CEP83: variants seen among roughly 807,000 people sequenced by gnomAD.
CEP83 encodes centrosomal protein 83.
CEP83 carries 70 observed loss-of-function variants against 101.9 expected under a neutral mutation model. That is an observed-to-expected ratio of 0.69 (90% CI 0.57 to 0.84). CEP83 has a LOEUF of 0.84. CEP83 is among the 40% of genes least tolerant of loss of function. CEP83 has a pLI of 0.00. For missense variants in CEP83, 715 were observed against 787.2 expected (o/e 0.91, Z 1.10); for synonymous variants, 264 against 267.9 (o/e 0.99, Z 0.14).
intron 14 of CEP83, among the ~76,000 whole-genome samples, chr12:94,328,799 A>G (rs370163729): frequency 6.6e-6 from 1 of 152,346 alleles, no homozygotes; most frequent in East Asian, 1.9e-4. Context: ...CTAACAGCGC[A>G]GTGGAAAGAG....
intron 2 of CEP83, among the ~76,000 whole-genome samples, chr12:94,422,439 T>C (rs919222170): frequency 2.0e-5 from 3 of 152,298 alleles, no homozygotes; most frequent in South Asian, 4.1e-4. Context: ...CACTAGGCAA[T>C]AGAAATTTTT....
intron 11 of CEP83, among the ~76,000 whole-genome samples, chr12:94,354,760 C>T (rs533868334): frequency 7.3e-4 from 111 of 151,724 alleles, no homozygotes; most frequent in Non-Finnish European, 1.3e-3. Flanking sequence ...ACCTGTAATC[C>T]CAACACTTCA....
chr12:94,458,426 C>T (rs753832632), intron 1 of CEP83, among the ~76,000 whole-genome samples: 9 of 152,086 alleles, frequency 5.9e-5, no homozygotes, highest in Non-Finnish European at 1.3e-4. Flanking sequence ...TCAGGAGAGT[C>T]CTGTGTGACA....
rs192640103 is a variant in CEP83 at position 94,440,191 on chromosome 12, T to C, written c.-154-4864A>G. Reference sequence around the variant, plus strand: ...CTACTGGAAGTCCTAGCCAGAACAATCAGACAAGAGAAAGAAATCAAGAGC... The same window carrying C: ...CTACTGGAAGTCCTAGCCAGAACAACCAGACAAGAGAAAGAAATCAAGAGC... On this transcript the variant is annotated intron_variant, in intron 1 of 16. Coordinates refer to ENST00000397809, the MANE Select transcript of CEP83 (RefSeq NM_016122.3). Among the ~76,000 whole-genome samples the C allele has an allele frequency of 1.3e-3, 199 of 152,088 alleles. 1 individual carries two copies. Among genetic ancestry groups the C allele is most frequent in the African/African-American group, 4.6e-3 (191 of 41,496 alleles).
chr12:94,416,551 TACAC>T (rs1555256390), intron 2 of CEP83, among the ~76,000 whole-genome samples: 1 of 145,518 alleles, frequency 6.9e-6, no homozygotes, highest in Non-Finnish European at 1.5e-5. Flanking sequence ...CCAAATACCA[TACAC>T]ACACACACAC....
At chr12:94,331,318 A>AAAAAAAAAAAAAT (rs1267699635) in intron 14 of CEP83, among the ~76,000 whole-genome samples, 3 of 75,828 alleles carry the variant, frequency 4.0e-5, no homozygotes, top group Non-Finnish European at 5.8e-5. Flanking sequence ...AAAAAAAAAG[A>AAAAAAAAAAAAAT]TTTAATTATA....
intron 8 of CEP83, 70 bp downstream of exon 8, chr12:94,375,815 TA>T: frequency 1.2e-6 from 1 of 836,098 alleles, no homozygotes; most frequent in Non-Finnish European, 1.7e-6. Context: ...AATCAATTAT[TA>T]AAAATAAAAT....
chr12:94,438,258 A>T (rs1460612427), intron 1 of CEP83, among the ~76,000 whole-genome samples: 1 of 152,054 alleles, frequency 6.6e-6, no homozygotes, highest in East Asian at 1.9e-4. Flanking sequence ...GAACAGCAGA[A>T]TGGATAAAAA....
chr12:94,310,962 A>C (rs1034424510), intron 15 of CEP83, among the ~76,000 whole-genome samples: 3 of 152,188 alleles, frequency 2.0e-5, no homozygotes, highest in African/African-American at 7.2e-5. Context: ...GGGGCCCCTG[A>C]ATAGCTTCAG....
At chr12:94,320,224 C>G (rs1309077510) in intron 14 of CEP83, among the ~76,000 whole-genome samples, 2 of 152,154 alleles carry the variant, frequency 1.3e-5, no homozygotes, top group Non-Finnish European at 2.9e-5. Context: ...TTATTTTGAG[C>G]CTATGGGTGT....
chr12:94,378,663 C>A, intron 7 of CEP83, 128 bp downstream of exon 7: 2 of 989,564 alleles, frequency 2.0e-6, no homozygotes, highest in Admixed American at 2.5e-5. Context: ...AATAAATACT[C>A]TTGGGATTAC....
intron 14 of CEP83, among the ~76,000 whole-genome samples, chr12:94,325,858 G>A (rs1253143744): frequency 6.6e-6 from 1 of 152,152 alleles, no homozygotes; most frequent in African/African-American, 2.4e-5. Flanking sequence ...TGTGGTATAA[G>A]AAGAAATATA....
At chr12:94,393,117 C>G (rs2062662725) in intron 6 of CEP83, among the ~76,000 whole-genome samples, 1 of 152,244 alleles carries the variant, frequency 6.6e-6, no homozygotes. Flanking sequence ...TCCTCCCTAA[C>G]TCATTTTATG....
chr12:94,434,279 T>G (rs1453123314), intron 2 of CEP83, among the ~76,000 whole-genome samples: 1 of 151,948 alleles, frequency 6.6e-6, no homozygotes, highest in Non-Finnish European at 1.5e-5. Flanking sequence ...AGGATACAAC[T>G]AAAAAATAAG....
intron 6 of CEP83, among the ~76,000 whole-genome samples, chr12:94,396,525 T>TG (rs1200453548): frequency 3.3e-5 from 5 of 151,950 alleles, no homozygotes; most frequent in African/African-American, 9.7e-5. Flanking sequence ...CCTGACCCCG[T>TG]GATCCACCCG....
At chr12:94,311,735 A>G (rs1239483734) in intron 15 of CEP83, among the ~76,000 whole-genome samples, 2 of 152,248 alleles carry the variant, frequency 1.3e-5, no homozygotes, top group African/African-American at 4.8e-5. Flanking sequence ...TGACATGGAG[A>G]AAAAGGCTAA....
intron 2 of CEP83, among the ~76,000 whole-genome samples, chr12:94,429,777 G>T (rs1018604059): frequency 2.6e-5 from 4 of 152,190 alleles, no homozygotes; most frequent in African/African-American, 9.7e-5. Context: ...AGCATGAGCT[G>T]CCACCACCAG....
At chr12:94,293,887 T>C in the CEP83 span, among the ~76,000 whole-genome samples, 60 of 152,218 alleles carry the variant, frequency 3.9e-4, no homozygotes, top group African/African-American at 1.3e-3. Flanking sequence ...CCCAAAGTGC[T>C]GGGATCGCAG....
At chr12:94,446,096 T>A (rs2066779481) in intron 1 of CEP83, among the ~76,000 whole-genome samples, 1 of 152,270 alleles carries the variant, frequency 6.6e-6, no homozygotes, top group Non-Finnish European at 1.5e-5. Context: ...GTCCCTTATA[T>A]TTTTTGCTTT....
Sources: allele counts gnomAD v4.1 joint callset (sites outside exome capture counted in the v4.1 genomes callset), GRCh38; gene constraint gnomAD v4.1.1; transcripts MANE v1.5; gene names NCBI Gene and HGNC (gene_info 2026-07-23, HGNC 2026-07-21).